The following TIMP2 variants were observed in gnomAD, a reference collection of about 807,000 sequenced individuals.
TIMP2 encodes the protein metalloproteinase inhibitor 2.
A neutral mutation model predicts 24.3 loss-of-function variants in TIMP2; 5 were observed. That is an observed-to-expected ratio of 0.21 (90% CI 0.11 to 0.43). TIMP2 has a LOEUF of 0.43. TIMP2 is among the 20% of genes least tolerant of loss of function. The probability of loss-of-function intolerance (pLI) is 1.00; values close to 1 mark genes in which losing one functional copy is unlikely to be tolerated. For synonymous variants in TIMP2, 130 were observed against 123.2 expected (o/e 1.06, Z -0.37); for missense variants, 221 against 297.5 (o/e 0.74, Z 1.89).
In TIMP2 at chr17:78,907,126, C is replaced by G. The variant is rs2070166303; in HGVS notation, c.130+17833G>C. On this transcript the variant is annotated intron_variant, in intron 1 of 4. Transcript: ENST00000262768. ...TCGGCTCACTGCAGCCTAGAACTCT[C>G]AGGCTCAAGTGATCCTCCCGCCTCA... Among the ~76,000 whole-genome samples, 3 of 148,308 alleles carry G rather than the reference C, an allele frequency of 2.0e-5. No individual in the cohort carries two copies. In the South Asian group the frequency reaches 6.5e-4, roughly 32 times the overall value.
chr17:78,917,108 C>T (rs916179858), intron 1 of TIMP2, among the ~76,000 whole-genome samples: 17 of 152,200 alleles, frequency 1.1e-4, no homozygotes, highest in Admixed American at 8.5e-4. Flanking sequence ...AAAAATTAGC[C>T]GGGCGTAGTG....
rs137881889 is a variant in TIMP2 at position 78,864,740 on chromosome 17, G to A, written c.340+6158C>T. 1.6e-3 allele frequency among the ~76,000 whole-genome samples: 248 copies of A among 152,180 alleles called. 2 individuals carry two copies. The highest frequency in any genetic ancestry group is 5.5e-3 in the African/African-American group (230 of 41,512). On this transcript the variant is annotated intron_variant, in intron 3 of 4. Transcript: ENST00000262768. ...TTACATATTTTGGAAACTTTAAAATGTATGCACATAAAAAGAAATAAAATC... is the reference window on the plus strand; with the variant it reads ...TTACATATTTTGGAAACTTTAAAATATATGCACATAAAAAGAAATAAAATC...
At chr17:78,857,678 G>C (rs2069535393) in intron 3 of TIMP2, 32 bp from the exon 4 acceptor site, 2 of 1,613,276 alleles carry the variant, frequency 1.2e-6, no homozygotes, top group African/African-American at 1.3e-5. Flanking sequence ...CGAGCTCAGG[G>C]AGAGGGAAAA....
chr17:78,859,183 A>T (rs1021501093), intron 3 of TIMP2, among the ~76,000 whole-genome samples: 1 of 152,156 alleles, frequency 6.6e-6, no homozygotes, highest in African/African-American at 2.4e-5. Flanking sequence ...AATTCCCTTC[A>T]TCAGGCATGA....
chr17:78,860,613 G>A (rs1297343220), intron 3 of TIMP2, among the ~76,000 whole-genome samples: 1 of 152,124 alleles, frequency 6.6e-6, no homozygotes, highest in Non-Finnish European at 1.5e-5. Flanking sequence ...CTTTATCTTC[G>A]GGTCCTTTTC....
intron 1 of TIMP2, among the ~76,000 whole-genome samples, chr17:78,921,007 G>A (rs562122070): frequency 1.3e-5 from 2 of 152,296 alleles, no homozygotes; most frequent in East Asian, 1.9e-4. Context: ...AATACAGATC[G>A]ATCACATACT....
intron 1 of TIMP2, among the ~76,000 whole-genome samples, chr17:78,886,025 G>T (rs902050709): frequency 3.3e-5 from 5 of 152,160 alleles, no homozygotes; most frequent in African/African-American, 1.2e-4. Flanking sequence ...TTTGGGTGTG[G>T]ACATCCTGGA....
At chr17:78,905,601 C>T (rs572047335) in intron 1 of TIMP2, among the ~76,000 whole-genome samples, 5 of 152,360 alleles carry the variant, frequency 3.3e-5, no homozygotes, top group African/African-American at 1.2e-4. Context: ...TTCGATGGCC[C>T]TTGCAGAATG....
At chr17:78,894,557 GTTT>G (rs1179865481) in intron 1 of TIMP2, among the ~76,000 whole-genome samples, 23 of 152,086 alleles carry the variant, frequency 1.5e-4, no homozygotes, top group Non-Finnish European at 2.9e-5. Flanking sequence ...GGAAAGAATA[GTTT>G]TTTTGTTTTT....
chr17:78,870,551 T>C (rs1469845878), intron 3 of TIMP2, among the ~76,000 whole-genome samples: 1 of 152,152 alleles, frequency 6.6e-6, no homozygotes, highest in Non-Finnish European at 1.5e-5. Flanking sequence ...TCGTGCATAG[T>C]ATCCACAGAT....
chr17:78,860,626 C>T (rs148134927), intron 3 of TIMP2, among the ~76,000 whole-genome samples: 1 of 152,288 alleles, frequency 6.6e-6, no homozygotes, highest in East Asian at 1.9e-4. Context: ...TCCTTTTCTC[C>T]GTTTAGACTT....
chr17:78,911,963 C>T (rs1392061725), intron 1 of TIMP2, among the ~76,000 whole-genome samples: 1 of 149,622 alleles, frequency 6.7e-6, no homozygotes, highest in African/African-American at 2.5e-5. Context: ...ACTGGGGAGG[C>T]TGAGGCAGGA....
rs192326708 is a variant in TIMP2 at position 78,870,837 on chromosome 17, G to T, written c.340+61C>A. On this transcript the variant is annotated intron_variant, in intron 3 of 4. Coordinates refer to ENST00000262768, the MANE Select transcript of TIMP2 (RefSeq NM_003255.5). ...GAGCCTGGGAAACGAGCCCTGGACC[G>T]CGTCTAGGAACAGCCCCACTTCTGT... The T allele has an allele frequency of 7.6e-6, 11 of 1,440,994 alleles. No homozygotes were observed. The African/African-American group carries it at 9.8e-5, about 13-fold the overall frequency. 89.3% of individuals were successfully genotyped at this position (1,440,994 alleles called of 1,614,324 possible). A position where few individuals can be genotyped will look rare whatever the true frequency, so the allele number is the denominator to read the frequency against.
At position 78,908,963 on chromosome 17, in the gene TIMP2, G is replaced by A. The variant is rs575929404; in HGVS notation, c.130+15996C>T. On this transcript the variant is annotated intron_variant, in intron 1 of 4. Coordinates refer to ENST00000262768, the MANE Select transcript of TIMP2 (RefSeq NM_003255.5). Reference sequence around the variant, plus strand: ...CTGGGGTCAGCTCAGGATTGAGGATGAAATGAGAGGAGCACCCCCAGAAGA... The same window carrying A: ...CTGGGGTCAGCTCAGGATTGAGGATAAAATGAGAGGAGCACCCCCAGAAGA... Among the ~76,000 whole-genome samples the A allele has an allele frequency of 1.2e-4, 19 of 152,278 alleles. No homozygotes were observed. In the South Asian group the frequency reaches 2.9e-3, roughly 23 times the overall value.
Position 78,891,762 on chromosome 17 carries a change from C to T in TIMP2, c.131-17843G>A, listed in dbSNP as rs1331080664. On this transcript the variant is annotated intron_variant, in intron 1 of 4. Transcript: ENST00000262768. This position sits in a 1 kb window ranked among gnomAD's most constrained non-coding sequence, Gnocchi z 4.5. Reference sequence around the variant, plus strand: ...AGTGGGTTTGACCTTTCTAGGTCCGCCCCTTTGCTCCTCCGAGGATGGATG... The same window carrying T: ...AGTGGGTTTGACCTTTCTAGGTCCGTCCCTTTGCTCCTCCGAGGATGGATG... 1 of 1,551,220 alleles carries T rather than the reference C, an allele frequency of 6.4e-7. No homozygotes were observed. Among genetic ancestry groups the T allele is most frequent in the African/African-American group, 1.4e-5 (1 of 73,174 alleles).
At chr17:78,887,206 A>G (rs897065680) in intron 1 of TIMP2, among the ~76,000 whole-genome samples, 1 of 152,022 alleles carries the variant, frequency 6.6e-6, no homozygotes, top group African/African-American at 2.4e-5. Context: ...GTCCGGCTTG[A>G]GTTTCTCAGA....
chr17:78,856,019 G>A (rs1395015407), intron 4 of TIMP2, 155 bp from the exon 5 acceptor site: 3 of 728,820 alleles, frequency 4.1e-6, no homozygotes, highest in South Asian at 1.7e-5. Context: ...TGCAGGGGCA[G>A]GCAGCTGGCC....
chr17:78,878,019 T>A (rs1043613562), intron 1 of TIMP2, among the ~76,000 whole-genome samples: 2 of 152,130 alleles, frequency 1.3e-5, no homozygotes, highest in East Asian at 3.9e-4. Context: ...GAGCTGCCTT[T>A]CAATGGTCCA....
At chr17:78,895,180 C>G (rs2069979494) in intron 1 of TIMP2, among the ~76,000 whole-genome samples, 1 of 152,124 alleles carries the variant, frequency 6.6e-6, no homozygotes, top group Non-Finnish European at 1.5e-5. Context: ...ACTCGGGAAG[C>G]TAAGGCAGGA....
Sources: gnomAD v4.1 joint callset for allele counts (sites outside exome capture counted in the v4.1 genomes callset) on GRCh38, gnomAD v4.1.1 for gene constraint, Gnocchi (gnomAD v3.1) non-coding constraint, MANE v1.5 for transcripts, NCBI Gene and HGNC (gene_info 2026-07-23, HGNC 2026-07-21) for gene names.